The following SCRN3 variants were observed in gnomAD, a reference collection of about 807,000 sequenced individuals.
SCRN3 encodes secernin-3.
SCRN3 carries 39 observed loss-of-function variants against 43.1 expected under a neutral mutation model. That is an observed-to-expected ratio of 0.91 (90% CI 0.70 to 1.18). The LOEUF (loss-of-function observed/expected upper bound fraction) is 1.18, where lower values mean the gene tolerates loss of function less well. Among genes scored for constraint, SCRN3 ranks in the 50% most tolerant of loss-of-function variants. SCRN3 has a pLI of 0.00. For synonymous variants in SCRN3, 147 were observed against 163.1 expected, an observed-to-expected ratio of 0.90 and a Z score of 0.75; for missense variants, 484 against 498.0, an observed-to-expected ratio of 0.97 and a Z score of 0.27.
rs1686559641 is a variant in SCRN3 at position 174,428,301 on chromosome 2, T to G, written c.*406T>G. 1 of 153,004 alleles carries G rather than the reference T, an allele frequency of 6.5e-6. No homozygotes were observed. 9.5% of individuals were successfully genotyped at this position (153,004 alleles called of 1,614,324 possible). Reference sequence around the variant, plus strand: ...TTACATCAAGAAAGCAGATTTTTCTTTAGTCATGAAAAATATCTCAAGTGG... The same window carrying G: ...TTACATCAAGAAAGCAGATTTTTCTGTAGTCATGAAAAATATCTCAAGTGG... On this transcript the variant is annotated 3_prime_UTR_variant, in exon 8 of 8. Transcript: ENST00000272732.
chr2:174,421,366 AG>A (rs1211322899), intron 5 of SCRN3, among the ~76,000 whole-genome samples: 13 of 152,242 alleles, frequency 8.5e-5, no homozygotes, highest in African/African-American at 3.1e-4. Flanking sequence ...GTAAATACAT[AG>A]GTAAAACTAG....
chr2:174,398,166 A>G, intron 1 of SCRN3, 109 bp from the exon 2 acceptor site: 1 of 635,966 alleles, frequency 1.6e-6, no homozygotes, highest in Non-Finnish European at 2.5e-6. Flanking sequence ...TTTAATGAAC[A>G]TCCTTAATTA....
rs2290158 is a variant in SCRN3 at position 174,423,050 on chromosome 2, G to A, written c.917+3G>A. 0.23 allele frequency: 368,344 copies of A among 1,608,002 alleles called. 45,140 individuals are homozygous for A. Among genetic ancestry groups the A allele is most frequent in the Middle Eastern group, 0.33 (1,999 of 6,036 alleles). ...ACAGGGACTCCTGATCCTGAGAGGT[G>A]AAGCCACAAAATACTATAAACCAGC... is the stretch of plus-strand genomic sequence containing the variant. On this transcript the variant is annotated splice_donor_region_variant and intron_variant, in intron 6 of 7. Coordinates refer to ENST00000272732, the MANE Select transcript of SCRN3 (RefSeq NM_024583.5).
intron 7 of SCRN3, among the ~76,000 whole-genome samples, chr2:174,424,879 C>A (rs996606295): frequency 1.1e-4 from 17 of 152,152 alleles, no homozygotes; most frequent in African/African-American, 3.9e-4. Flanking sequence ...TAATAGCTAA[C>A]ATTTGTTGAA....
intron 5 of SCRN3, among the ~76,000 whole-genome samples, chr2:174,409,644 A>T (rs1685827650): frequency 7.4e-6 from 1 of 135,278 alleles, no homozygotes; most frequent in South Asian, 2.4e-4. Context: ...TTCGGTGTGG[A>T]TGTCCTTTCT....
chr2:174,398,253 A>G (rs772869152), intron 1 of SCRN3, 22 bp from the exon 2 acceptor site: 1 of 1,462,084 alleles, frequency 6.8e-7, no homozygotes, highest in Non-Finnish European at 9.2e-7. Context: ...TTTTTATTTT[A>G]AAACATCTGT....
At chr2:174,402,533 C>T (rs376974547) in intron 4 of SCRN3, among the ~76,000 whole-genome samples, 9 of 151,968 alleles carry the variant, frequency 5.9e-5, no homozygotes, top group South Asian at 2.1e-4. Context: ...ACAAAAAATA[C>T]GAAAATTAGC....
intron 7 of SCRN3, among the ~76,000 whole-genome samples, chr2:174,427,273 G>A (rs751433623): frequency 6.6e-6 from 1 of 152,086 alleles, no homozygotes; most frequent in Non-Finnish European, 1.5e-5. Context: ...AGTCATAGAG[G>A]AAATGTCTTC....
intron 5 of SCRN3, among the ~76,000 whole-genome samples, chr2:174,412,826 A>ATAGAG (rs1414606507): frequency 2.0e-5 from 3 of 146,478 alleles, no homozygotes; most frequent in African/African-American, 7.6e-5. Context: ...GAACTAACCT[A>ATAGAG]TAGAGTAGAC....
intron 5 of SCRN3, among the ~76,000 whole-genome samples, chr2:174,409,767 G>C (rs1490589500): frequency 6.9e-6 from 1 of 144,088 alleles, no homozygotes; most frequent in Non-Finnish European, 1.6e-5. Flanking sequence ...CAGTTAGGCT[G>C]CTCGGGGGTC....
chr2:174,404,004 T>G, intron 4 of SCRN3, 99 bp from the exon 5 acceptor site: 1 of 872,038 alleles, frequency 1.1e-6, no homozygotes, highest in Non-Finnish European at 1.8e-6. Flanking sequence ...AAGTCTATAT[T>G]TATGTTTACA....
At chr2:174,412,512 G>A (rs1182738454) in intron 5 of SCRN3, among the ~76,000 whole-genome samples, 2 of 152,202 alleles carry the variant, frequency 1.3e-5, no homozygotes, top group African/African-American at 4.8e-5. Flanking sequence ...TAGAGGAATT[G>A]TGGTCCAAAT....
intron 5 of SCRN3, among the ~76,000 whole-genome samples, chr2:174,406,935 C>G (rs1224870940): frequency 9.2e-6 from 1 of 108,732 alleles, no homozygotes; most frequent in Non-Finnish European, 2.1e-5. Context: ...TTGGTTGTGT[C>G]TCTGCCCAGC....
At chr2:174,423,482 T>G (rs1284259060) in intron 6 of SCRN3, among the ~76,000 whole-genome samples, 3 of 152,202 alleles carry the variant, frequency 2.0e-5, no homozygotes, top group African/African-American at 7.2e-5. Context: ...TTATTATTAC[T>G]ATTTTGAGAC....
At chr2:174,403,185 A>G (rs1054564754) in intron 4 of SCRN3, among the ~76,000 whole-genome samples, 1 of 152,122 alleles carries the variant, frequency 6.6e-6, no homozygotes, top group Non-Finnish European at 1.5e-5. Flanking sequence ...ATGATGTTCA[A>G]CATTATTAGC....
At chr2:174,397,063 A>G in intron 1 of SCRN3, 3 of 982,516 alleles carry the variant, frequency 3.1e-6, no homozygotes, top group Non-Finnish European at 3.6e-6. Context: ...AAATAGAAGG[A>G]GATCCAGGAC....
intron 2 of SCRN3, 90 bp from the exon 3 acceptor site, chr2:174,399,832 T>A: frequency 1.1e-6 from 1 of 945,430 alleles, no homozygotes; most frequent in Non-Finnish European, 1.4e-6. Flanking sequence ...AACAGTTTTG[T>A]CTTCTGACTG....
At chr2:174,396,978 G>A (rs916268091) in intron 1 of SCRN3, 1 of 625,428 alleles carries the variant, frequency 1.6e-6, no homozygotes, top group Non-Finnish European at 2.0e-6. Context: ...TTTCTGATGA[G>A]GCAGAAGGCA....
In SCRN3 at chr2:174,428,762, C is replaced by T. The variant is rs926763595; in HGVS notation, c.*867C>T. 2 of 152,042 alleles carry T rather than the reference C, an allele frequency of 1.3e-5. No homozygotes were observed. The highest frequency in any genetic ancestry group is 2.9e-5 in the Non-Finnish European group (2 of 68,008). The allele number at this position is 152,042 out of a possible 1,614,324, so 9.4% of individuals were successfully genotyped here. A position where few individuals can be genotyped will look rare whatever the true frequency, so the allele number is the denominator to read the frequency against. ...ACTATAATGCATTATATATTATGAA[C>T]TTTTATGAACTTTATACATGAGTAA... On this transcript the variant is annotated 3_prime_UTR_variant, in exon 8 of 8. Transcript: ENST00000272732.
Sources: allele counts gnomAD v4.1 joint callset (sites outside exome capture counted in the v4.1 genomes callset), GRCh38; gene constraint gnomAD v4.1.1; transcripts MANE v1.5; gene names NCBI Gene and HGNC (gene_info 2026-07-23, HGNC 2026-07-21).